The following MOV10L1 variants were observed in gnomAD, a reference collection of about 807,000 sequenced individuals.
MOV10L1 encodes RNA helicase Mov10l1.
In MOV10L1, 110 loss-of-function variants were observed where a neutral mutation model predicts 143.8. The ratio of observed to expected loss-of-function variants is 0.76; its 90% confidence interval spans 0.66 to 0.90. MOV10L1 has a LOEUF of 0.90. Among genes scored for constraint, MOV10L1 ranks in the 40% least tolerant of loss-of-function variants. The pLI is 0.00. For missense variants in MOV10L1, 1,406 were observed against 1,526.8 expected, an observed-to-expected ratio of 0.92 and a Z score of 1.32; for synonymous variants, 593 against 581.1, an observed-to-expected ratio of 1.02 and a Z score of -0.29.
chr22:50,103,141 G>A (rs2061787823), intron 3 of MOV10L1, among the ~76,000 whole-genome samples: 1 of 152,208 alleles, frequency 6.6e-6, no homozygotes, highest in African/African-American at 2.4e-5. Flanking sequence ...GACACACGAG[G>A]GCAGCAGAGG....
chr22:50,097,200 C>T (rs1265650186), intron 2 of MOV10L1, among the ~76,000 whole-genome samples: 1 of 152,170 alleles, frequency 6.6e-6, no homozygotes, highest in African/African-American at 2.4e-5. Flanking sequence ...GCAGCCTCAA[C>T]CTCCCAGGCT....
intron 6 of MOV10L1, 137 bp from the exon 7 acceptor site, chr22:50,114,244 A>C: frequency 8.9e-7 from 1 of 1,126,928 alleles, no homozygotes. Context: ...TTTTTTACCC[A>C]AAAATGACCT....
At position 50,145,758 on chromosome 22, in the gene MOV10L1, A is replaced by G; in HGVS notation, c.2575A>G (p.Ile859Val). 6.2e-7 allele frequency: 1 copy of G among 1,614,180 alleles called. No individual in the cohort carries two copies. The highest frequency in any genetic ancestry group is 8.5e-7 in the Non-Finnish European group (1 of 1,180,022). The change falls in exon 19 of 27, where the codon ATA (isoleucine) becomes GTA (valine). Residue 859 changes from isoleucine to valine, a missense_variant. By Grantham distance (29) the Ile-to-Val change is conservative (BLOSUM62 3). Around this residue, in one of 3 missense-constraint regions of MOV10L1, gnomAD observed 1,233 missense variants for 1,351.4 expected, o/e 0.91. Transcript: ENST00000262794. ...CATCTGGAAAGCCTCACGCTTCCGG[A>G]TAATCATCACCACATGCAGCAGCTC... ...EDIWKASRFR[I>V]IITTCSSSGL...
intron 15 of MOV10L1, among the ~76,000 whole-genome samples, chr22:50,137,437 C>T (rs994704072): frequency 1.3e-5 from 2 of 152,066 alleles, no homozygotes; most frequent in African/African-American, 4.8e-5. Flanking sequence ...AACTTGAAGA[C>T]GGAGCAATAG....
intron 8 of MOV10L1, among the ~76,000 whole-genome samples, chr22:50,116,141 CT>C (rs2062168110): frequency 6.6e-6 from 1 of 151,424 alleles, no homozygotes; most frequent in Non-Finnish European, 1.5e-5. Context: ...CAACATCAAG[CT>C]GTGGGTGGCA....
chr22:50,149,517 G>GC (rs1237103961), intron 19 of MOV10L1, 98 bp from the exon 20 acceptor site: 13 of 1,202,352 alleles, frequency 1.1e-5, no homozygotes, highest in Non-Finnish European at 1.5e-5. Context: ...ACCCTGCTGT[G>GC]CCCCCGGGGT....
rs914094527 is a variant in MOV10L1 at position 50,136,631 on chromosome 22, G to A, written c.2070+2001G>A. ...CACCAAGAGGGAGCCCAGGCGGAGTGCAGTGACCTGAGTACAGAGACAGCA... is the reference window on the plus strand; with the variant it reads ...CACCAAGAGGGAGCCCAGGCGGAGTACAGTGACCTGAGTACAGAGACAGCA... On this transcript the variant is annotated intron_variant, in intron 15 of 26. Transcript: ENST00000262794. 2.2e-4 allele frequency among the ~76,000 whole-genome samples: 34 copies of A among 152,330 alleles called. No individual in the cohort carries two copies. The East Asian group carries it at 2.3e-3, about 10-fold the overall frequency.
chr22:50,113,919 T>TC (rs878871392), intron 6 of MOV10L1, 131 bp downstream of exon 6: 9,080 of 860,462 alleles, frequency 0.011, 27 homozygotes, highest in East Asian at 0.018. Flanking sequence ...TTTCTTTTTT[T>TC]TTTTTTTTTT....
intron 6 of MOV10L1, 114 bp downstream of exon 6, chr22:50,113,902 A>G (rs1248416911): frequency 1.2e-6 from 1 of 866,236 alleles, no homozygotes; most frequent in Non-Finnish European, 1.6e-6. Context: ...TTTCTTTATG[A>G]AGATCTTTTC....
intron 8 of MOV10L1, among the ~76,000 whole-genome samples, chr22:50,116,946 G>A (rs973629165): frequency 1.3e-5 from 2 of 152,076 alleles, no homozygotes; most frequent in African/African-American, 2.4e-5. Context: ...CTGAGCCACC[G>A]CACCGGGCCT....
chr22:50,094,055 C>G (rs2147002337), intron 2 of MOV10L1: 1 of 152,330 alleles, frequency 6.6e-6, no homozygotes, highest in South Asian at 2.1e-4. Context: ...GGTTTCCCTT[C>G]TTTGCTCTTA....
intron 20 of MOV10L1, 95 bp downstream of exon 20, chr22:50,149,809 CA>C (rs2063248277): frequency 2.6e-6 from 3 of 1,164,278 alleles, no homozygotes; most frequent in Non-Finnish European, 3.7e-6. Flanking sequence ...CACAGCTGTA[CA>C]GGGGTCAGGT....
At chr22:50,090,558 T>C in intron 1 of MOV10L1, 1 of 1,589,310 alleles carries the variant, frequency 6.3e-7, no homozygotes, top group Non-Finnish European at 8.6e-7. Context: ...AGACTTGGCC[T>C]GTCCTTTCAG....
intron 17 of MOV10L1, 173 bp downstream of exon 17, chr22:50,143,394 A>C (rs1964270198): frequency 1.3e-6 from 1 of 741,014 alleles, no homozygotes; most frequent in African/African-American, 1.8e-5. Context: ...GGGATTTAAA[A>C]GCTTATTTCA....
rs569861564 is a variant in MOV10L1 at position 50,120,841 on chromosome 22, T to G, written c.1569+225T>G. On this transcript the variant is annotated intron_variant, in intron 10 of 26. Transcript: ENST00000262794. ...AGGGGCTGGCATCCCACAGCCTCAC[T>G]GGGGGTCACGCACAGGGCCTTTGGG... 7.2e-5 allele frequency among the ~76,000 whole-genome samples: 11 copies of G among 152,314 alleles called. No homozygotes were observed. In the East Asian group the frequency reaches 2.1e-3, roughly 29 times the overall value.
intron 2 of MOV10L1, among the ~76,000 whole-genome samples, chr22:50,097,137 G>A (rs2062610409): frequency 6.6e-6 from 1 of 152,116 alleles, no homozygotes; most frequent in Non-Finnish European, 1.5e-5. Context: ...TTTTGAGACA[G>A]GATCTCACTT....
In MOV10L1 at chr22:50,121,636, C is replaced by T. The variant is rs1245475922; in HGVS notation, c.1569+1020C>T. Among the ~76,000 whole-genome samples the T allele has an allele frequency of 3.3e-5, 5 of 152,218 alleles. No homozygotes were observed. The East Asian group carries it at 7.7e-4, about 23-fold the overall frequency. On this transcript the variant is annotated intron_variant, in intron 10 of 26. Coordinates refer to ENST00000262794, the MANE Select transcript of MOV10L1 (RefSeq NM_018995.3). The stretch of plus-strand genomic sequence containing the variant: ...GTCGCGAGCGCAGTCCTCTGTCCCC[C>T]AGTCACTTTGAGTTTGTAGGCAAAT...
At chr22:50,117,850 G>A (rs1047775719) in intron 9 of MOV10L1, among the ~76,000 whole-genome samples, 3 of 152,168 alleles carry the variant, frequency 2.0e-5, no homozygotes, top group Non-Finnish European at 4.4e-5. Flanking sequence ...GGAACATAGG[G>A]ACCACCCAGA....
chr22:50,128,389 C>A, intron 12 of MOV10L1, 27 bp from the exon 13 acceptor site: 3 of 1,173,774 alleles, frequency 2.6e-6, no homozygotes, highest in Non-Finnish European at 3.7e-6. Flanking sequence ...TTCAAGAAAT[C>A]AGGTATATTG....
Sources: allele counts gnomAD v4.1 joint callset (sites outside exome capture counted in the v4.1 genomes callset), GRCh38; gene constraint gnomAD v4.1.1; regional missense constraint gnomAD v4.1.1; transcripts MANE v1.5; gene names NCBI Gene and HGNC (gene_info 2026-07-23, HGNC 2026-07-21).